TSPAN9: variants seen among roughly 807,000 people sequenced by gnomAD.
TSPAN9 encodes the protein tetraspanin 9.
Under a neutral mutation model 31.0 loss-of-function variants are expected in TSPAN9, and 16 were observed. The observed-to-expected ratio is 0.52, with a 90% CI of 0.35 to 0.78. TSPAN9 has a LOEUF of 0.78. TSPAN9 is among the 30% of genes least tolerant of loss of function. The pLI is 0.01. For synonymous variants in TSPAN9, 145 were observed against 121.6 expected (o/e 1.19, Z -1.27); for missense variants, 272 against 312.5 (o/e 0.87, Z 0.98).
chr12:3,280,558 G>T lies in TSPAN9; in HGVS notation c.432+75G>T. ...GCCGGTACTTCTAGCTGCCTTCCCC[G>T]GTGACCTGGCCGGGCACCTGTGCTT... On this transcript the variant is annotated intron_variant, in intron 6 of 8. Coordinates refer to ENST00000011898, the MANE Select transcript of TSPAN9 (RefSeq NM_006675.5). The surrounding 1 kb of genome is among the most constrained non-coding windows in gnomAD (Gnocchi z 4.5). 2.9e-6 allele frequency: 4 copies of T among 1,394,016 alleles called. No homozygotes were observed. In the South Asian group the frequency reaches 3.6e-5, roughly 13 times the overall value. The allele number at this position is 1,394,016 out of a possible 1,614,324, so 86.4% of individuals were successfully genotyped here.
At position 3,170,522 on chromosome 12, in the gene TSPAN9, T is replaced by G. The variant is rs2098351170; in HGVS notation, c.-17-30655T>G. Among the ~76,000 whole-genome samples, 1 of 151,870 alleles carries G rather than the reference T, an allele frequency of 6.6e-6. No homozygotes were observed. Among genetic ancestry groups the G allele is most frequent in the African/African-American group, 2.4e-5 (1 of 41,342 alleles). ...CTGTTCCTCCTTGTCAAAATTACAT[T>G]GTTGGAAACAAAATCTGATCTGGTG... On this transcript the variant is annotated intron_variant, in intron 2 of 8. Transcript: ENST00000011898. The surrounding 1 kb of genome is among the most constrained non-coding windows in gnomAD (Gnocchi z 4.4).
chr12:3,153,761 A>G (rs1284097641), intron 2 of TSPAN9, among the ~76,000 whole-genome samples: 2 of 150,240 alleles, frequency 1.3e-5, no homozygotes, highest in Admixed American at 6.7e-5. Flanking sequence ...TCGCTTTCCT[A>G]CTGTTGAATG....
At chr12:3,153,857 T>TGTGTGC (rs2098341011) in intron 2 of TSPAN9, among the ~76,000 whole-genome samples, 1 of 151,870 alleles carries the variant, frequency 6.6e-6, no homozygotes, top group African/African-American at 2.4e-5. Flanking sequence ...TGTGTGTGTG[T>TGTGTGC]GTGTGCGTGT....
chr12:3,237,326 A>G (rs4766078), intron 3 of TSPAN9, among the ~76,000 whole-genome samples: 20,946 of 127,558 alleles, frequency 0.16, 1,743 homozygotes, highest in East Asian at 0.26. Context: ...ACTTACGATC[A>G]AAGACAGGCT....
intron 2 of TSPAN9, among the ~76,000 whole-genome samples, chr12:3,139,843 T>A (rs1324182329): frequency 6.6e-6 from 1 of 152,200 alleles, no homozygotes; most frequent in Non-Finnish European, 1.5e-5. Flanking sequence ...CCACCGTGCC[T>A]GGCCTCAGAT....
rs922471954 is a variant in TSPAN9 at position 3,170,969 on chromosome 12, C to T, written c.-17-30208C>T. Among the ~76,000 whole-genome samples, 4 of 152,140 alleles carry T rather than the reference C, an allele frequency of 2.6e-5. No homozygotes were observed. The South Asian group carries it at 8.3e-4, about 32-fold the overall frequency. Reference sequence around the variant, plus strand: ...GTACTGAAAAGCACACTCGTTGCCTCCCCACTCCTGTGTTCCTTTGTAGAT... The same window carrying T: ...GTACTGAAAAGCACACTCGTTGCCTTCCCACTCCTGTGTTCCTTTGTAGAT... On this transcript the variant is annotated intron_variant, in intron 2 of 8. Coordinates refer to ENST00000011898, the MANE Select transcript of TSPAN9 (RefSeq NM_006675.5). The surrounding 1 kb of genome is among the most constrained non-coding windows in gnomAD (Gnocchi z 4.4).
intron 3 of TSPAN9, among the ~76,000 whole-genome samples, chr12:3,270,854 A>G (rs780819796): frequency 2.0e-5 from 3 of 152,234 alleles, no homozygotes; most frequent in African/African-American, 7.2e-5. Flanking sequence ...CTCACTCTCA[A>G]CTGCTAGGGG....
intron 3 of TSPAN9, among the ~76,000 whole-genome samples, chr12:3,205,993 G>C (rs1203163719): frequency 6.6e-6 from 1 of 152,176 alleles, no homozygotes; most frequent in South Asian, 2.1e-4. Context: ...CAATCAGGAG[G>C]GGGTGGGGAG....
intron 2 of TSPAN9, among the ~76,000 whole-genome samples, chr12:3,109,299 T>TGTGTGTGTGTGTGTGTGTGA (rs1274383200): frequency 1.7e-5 from 2 of 118,304 alleles, no homozygotes; most frequent in African/African-American, 9.1e-5. Context: ...TGTGTGTGTG[T>TGTGTGTGTGTGTGTGTGTGA]GAGAGAGAGT....
At chr12:3,216,247 C>T (rs1414099728) in intron 3 of TSPAN9, among the ~76,000 whole-genome samples, 1 of 152,206 alleles carries the variant, frequency 6.6e-6, no homozygotes, top group Admixed American at 6.5e-5. Flanking sequence ...GTGGGGCTCT[C>T]AGCTGGATCA....
At chr12:3,077,493 G>A (rs72653447) in intron 1 of TSPAN9, 40 bp downstream of exon 1, 58,638 of 152,212 alleles carry the variant, frequency 0.39, 13,100 homozygotes, top group African/African-American at 0.63. Flanking sequence ...GGCGGGTCTC[G>A]AGAGCGTGCG....
intron 1 of TSPAN9, among the ~76,000 whole-genome samples, chr12:3,079,080 A>C (rs1054152092): frequency 2.0e-5 from 3 of 151,728 alleles, no homozygotes; most frequent in Non-Finnish European, 2.9e-5. Context: ...CCCAGGTTCA[A>C]GCCATTCTCC....
chr12:3,080,799 C>T (rs2153961530), intron 1 of TSPAN9, among the ~76,000 whole-genome samples: 1 of 152,330 alleles, frequency 6.6e-6, no homozygotes, highest in Admixed American at 6.5e-5. Flanking sequence ...CCTCTGGCAG[C>T]CACTATTCTG....
intron 2 of TSPAN9, among the ~76,000 whole-genome samples, chr12:3,167,380 C>T (rs1428687814): frequency 6.6e-6 from 1 of 152,180 alleles, no homozygotes; most frequent in African/African-American, 2.4e-5. Context: ...AGAGAGACTA[C>T]GACACATTTT....
At chr12:3,160,584 CTT>C (rs1280385581) in intron 2 of TSPAN9, among the ~76,000 whole-genome samples, 1 of 152,190 alleles carries the variant, frequency 6.6e-6, no homozygotes, top group Non-Finnish European at 1.5e-5. Flanking sequence ...GAATTAGACT[CTT>C]TTCCAATTTC....
intron 3 of TSPAN9, among the ~76,000 whole-genome samples, chr12:3,238,953 A>G (rs1209858910): frequency 6.6e-6 from 1 of 152,092 alleles, no homozygotes; most frequent in Non-Finnish European, 1.5e-5. Context: ...GGCCCTCCCA[A>G]AGGAGGGTCG....
intron 3 of TSPAN9, among the ~76,000 whole-genome samples, chr12:3,219,848 T>TAAAAAA (rs552211012): frequency 3.7e-5 from 5 of 135,916 alleles, no homozygotes; most frequent in Non-Finnish European, 3.1e-5. Flanking sequence ...CTTAAACTAT[T>TAAAAAA]AAAAAAAAAA....
chr12:3,281,261 C>G lies in TSPAN9; in HGVS notation c.496C>G (p.Pro166Ala). The change falls in exon 7 of 9, where the codon CCC becomes GCC. Residue 166 changes from proline (P) to alanine (A), a missense_variant. Pro to Ala is a conservative substitution (Grantham distance 27). Coordinates refer to ENST00000011898, the MANE Select transcript of TSPAN9 (RefSeq NM_006675.5). The stretch of plus-strand genomic sequence containing the variant: ...CCCAGTGCTGGGGGAGAACACGGTT[C>G]CCGACCGCTGCTGCATGGAGAACTC... ...WYPVLGENTV[P>A]DRCCMENSQG... is the part of the protein sequence containing the mutation. 6.4e-7 allele frequency: 1 copy of G among 1,551,276 alleles called. No homozygotes were observed. The highest frequency in any genetic ancestry group is 8.7e-7 in the Non-Finnish European group (1 of 1,146,950).
intron 2 of TSPAN9, among the ~76,000 whole-genome samples, chr12:3,193,486 A>T (rs893817514): frequency 6.6e-6 from 1 of 152,218 alleles, no homozygotes; most frequent in African/African-American, 2.4e-5. Context: ...TGCTCTGAGC[A>T]GTGTGCCCAC....
Sources: gnomAD v4.1 joint callset for allele counts (sites outside exome capture counted in the v4.1 genomes callset) on GRCh38, gnomAD v4.1.1 for gene constraint, Gnocchi (gnomAD v3.1) non-coding constraint, MANE v1.5 for transcripts, NCBI Gene and HGNC (gene_info 2026-07-23, HGNC 2026-07-21) for gene names.